Variants in ELAVL4 observed in about 807,000 individuals in gnomAD.
ELAVL4 encodes the protein ELAV like RNA binding protein 4, also known as ELAV-like protein 4.
Under a neutral mutation model 35.6 loss-of-function variants are expected in ELAVL4, and 1 was observed. The ratio of observed to expected loss-of-function variants is 0.03; its 90% CI spans 0.01 to 0.13. The LOEUF is 0.13. Ranked by LOEUF, ELAVL4 falls within the 10% of genes least tolerant of loss-of-function variation. ELAVL4 has a pLI of 1.00. For synonymous variants in ELAVL4, 156 were observed against 171.0 expected, an observed-to-expected ratio of 0.91 and a Z score of 0.69; for missense variants, 267 against 464.9, an observed-to-expected ratio of 0.57 and a Z score of 3.91.
At chr1:50,079,938 T>G (rs1001800284) in intron 1 of ELAVL4, among the ~76,000 whole-genome samples, 10 of 152,150 alleles carry the variant, frequency 6.6e-5, no homozygotes, top group African/African-American at 2.4e-4. Context: ...CCCTCTCTCT[T>G]TTGTTATTAA....
At chr1:50,165,826 G>T (rs1227779139) in intron 2 of ELAVL4, among the ~76,000 whole-genome samples, 4 of 150,996 alleles carry the variant, frequency 2.6e-5, no homozygotes, top group Admixed American at 1.3e-4. Context: ...ATATATATGT[G>T]TGTGTGTATA....
chr1:50,196,009 T>A (rs1042888741), intron 5 of ELAVL4, among the ~76,000 whole-genome samples: 11 of 152,226 alleles, frequency 7.2e-5, no homozygotes, highest in African/African-American at 2.7e-4. Context: ...TGTGACTGTA[T>A]AAACTTTAGA....
In ELAVL4 at chr1:50,203,625, T is replaced by A. The variant is rs1166653334; in HGVS notation, c.*2447T>A. 1 of 152,166 alleles carries A rather than the reference T, an allele frequency of 6.6e-6. No individual in the cohort carries two copies. The highest frequency in any genetic ancestry group is 2.4e-5 in the African/African-American group (1 of 41,438). 9.4% of individuals were successfully genotyped at this position (152,166 alleles called of 1,614,324 possible). ...AGGACCAGGCAGTTGTATACTTTAG[T>A]TATTAATGAATGACTTCATGTTAAT... is the stretch of plus-strand genomic sequence containing the variant. On this transcript the variant is annotated 3_prime_UTR_variant, in exon 7 of 7. Transcript: ENST00000371824.
At chr1:50,063,596 C>T (rs752339268) in intron 1 of ELAVL4, among the ~76,000 whole-genome samples, 13 of 152,128 alleles carry the variant, frequency 8.5e-5, no homozygotes, top group Non-Finnish European at 1.5e-4. Context: ...AAGACCTCTT[C>T]GAGCGTTTCC....
intron 1 of ELAVL4, among the ~76,000 whole-genome samples, chr1:50,062,442 A>T (rs1350946808): frequency 1.1e-4 from 16 of 152,080 alleles, no homozygotes; most frequent in Admixed American, 1.0e-3. Context: ...TGAGTTGGGC[A>T]TGACTATTCT....
chr1:50,127,740 C>T (rs1410302690), intron 1 of ELAVL4, among the ~76,000 whole-genome samples: 3 of 152,062 alleles, frequency 2.0e-5, no homozygotes, highest in Non-Finnish European at 2.9e-5. Context: ...AAAACCGAGA[C>T]ACAGAATGGT....
intron 1 of ELAVL4, among the ~76,000 whole-genome samples, chr1:50,093,445 G>A (rs989000114): frequency 2.0e-5 from 3 of 152,196 alleles, no homozygotes; most frequent in Admixed American, 2.0e-4. Flanking sequence ...CTGCATTAGG[G>A]TGCACATTGT....
At chr1:50,159,765 G>C (rs951600649) in intron 2 of ELAVL4, among the ~76,000 whole-genome samples, 3 of 152,160 alleles carry the variant, frequency 2.0e-5, no homozygotes, top group Non-Finnish European at 4.4e-5. Context: ...CAGTAGAGAA[G>C]AATGGAGTCC....
intron 1 of ELAVL4, among the ~76,000 whole-genome samples, chr1:50,061,598 C>T (rs536656357): frequency 2.2e-4 from 34 of 152,302 alleles, no homozygotes; most frequent in African/African-American, 7.9e-4. Context: ...GTGCACCATT[C>T]AGATCTGCCT....
At chr1:50,051,118 C>A (rs1321937705) in intron 1 of ELAVL4, among the ~76,000 whole-genome samples, 1 of 152,062 alleles carries the variant, frequency 6.6e-6, no homozygotes, top group Non-Finnish European at 1.5e-5. Context: ...ACTTAGTAGT[C>A]ATGAACTTTT....
At chr1:50,195,402 C>T (rs959554754) in intron 4 of ELAVL4, among the ~76,000 whole-genome samples, 159 bp from the exon 5 acceptor site, 1 of 152,174 alleles carries the variant, frequency 6.6e-6, no homozygotes, top group Non-Finnish European at 1.5e-5. Flanking sequence ...TGCAGGTAAA[C>T]GTGTTTTGAT....
At chr1:50,055,290 G>C (rs1368507990) in intron 1 of ELAVL4, among the ~76,000 whole-genome samples, 1 of 148,394 alleles carries the variant, frequency 6.7e-6, no homozygotes, top group Non-Finnish European at 1.5e-5. Context: ...TTTTTGTTTT[G>C]TTTTTGTTTT....
At chr1:50,109,582 G>T in intron 1 of ELAVL4, 1 of 387,102 alleles carries the variant, frequency 2.6e-6, no homozygotes, top group East Asian at 4.7e-5. Flanking sequence ...GCTGGGGGTG[G>T]ATGCAGCGGG....
At chr1:50,088,024 G>C (rs958440884) in intron 1 of ELAVL4, among the ~76,000 whole-genome samples, 11 of 152,230 alleles carry the variant, frequency 7.2e-5, no homozygotes, top group African/African-American at 2.4e-4. Flanking sequence ...CATTGAGGCT[G>C]ATCTGTGTTT....
chr1:50,176,975 C>T (rs1316294671), intron 2 of ELAVL4, 114 bp from the exon 3 acceptor site: 4 of 772,068 alleles, frequency 5.2e-6, no homozygotes, highest in Non-Finnish European at 8.3e-6. Context: ...AGTTTTGACT[C>T]ACTGCAGTGG....
chr1:50,066,825 T>G (rs532539167), intron 1 of ELAVL4, among the ~76,000 whole-genome samples: 3 of 152,310 alleles, frequency 2.0e-5, no homozygotes, highest in Admixed American at 6.5e-5. Flanking sequence ...GGGTCCTGAA[T>G]GCAGATGCCA....
upstream of ELAVL4, among the ~76,000 whole-genome samples, chr1:50,099,560 CAAAAAAAAA>C (rs750905424): frequency 8.9e-5 from 5 of 56,316 alleles, no homozygotes; most frequent in Non-Finnish European, 2.0e-4. Context: ...AACTCCGCCT[CAAAAAAAAA>C]AAAAAAAAAA....
intron 3 of ELAVL4, among the ~76,000 whole-genome samples, chr1:50,186,174 G>A (rs972514520): frequency 2.0e-5 from 3 of 152,156 alleles, no homozygotes; most frequent in African/African-American, 4.8e-5. Flanking sequence ...TATGATATTC[G>A]TAGATACCCT....
At chr1:50,184,290 C>T (rs1016695366) in intron 3 of ELAVL4, among the ~76,000 whole-genome samples, 7 of 151,582 alleles carry the variant, frequency 4.6e-5, no homozygotes, top group African/African-American at 1.7e-4. Context: ...GAAATTAGAC[C>T]GGTATGGGTT....
Sources: gnomAD v4.1 joint callset for allele counts (sites outside exome capture counted in the v4.1 genomes callset) on GRCh38, gnomAD v4.1.1 for gene constraint, MANE v1.5 for transcripts, NCBI Gene and HGNC (gene_info 2026-07-23, HGNC 2026-07-21) for gene names.